OR1J2: variants seen among roughly 807,000 people sequenced by gnomAD.
OR1J2 encodes the protein olfactory receptor 1J2.
For missense variants in OR1J2, 304 were observed against 246.1 expected (o/e 1.24, Z -1.57); for synonymous variants, 142 against 99.7 (o/e 1.42, Z -2.52).
chr9:122,570,082 T>C, the OR1J2 span, among the ~76,000 whole-genome samples: 1 of 149,462 alleles, frequency 6.7e-6, no homozygotes. Flanking sequence ...TCTATCATTG[T>C]TGGACATTTG....
At chr9:122,526,470 A>C in the OR1J2 span, 1 of 1,565,738 alleles carries the variant, frequency 6.4e-7, no homozygotes, top group Non-Finnish European at 8.6e-7. Flanking sequence ...TATGGTGTAC[A>C]TTGCAGCTGC....
At chr9:122,550,883 C>T in the OR1J2 span, among the ~76,000 whole-genome samples, 2 of 150,968 alleles carry the variant, frequency 1.3e-5, no homozygotes, top group African/African-American at 4.9e-5. Flanking sequence ...CAACATGATA[C>T]TGGAAGTCTT....
At chr9:122,547,119 TAAAA>T in the OR1J2 span, among the ~76,000 whole-genome samples, 1 of 151,138 alleles carries the variant, frequency 6.6e-6, no homozygotes, top group African/African-American at 2.4e-5. Context: ...GTGAGCCACA[TAAAA>T]AAATAATAAT....
At chr9:122,491,891 A>G in the OR1J2 span, among the ~76,000 whole-genome samples, 17,336 of 152,176 alleles carry the variant, frequency 0.11, 1,171 homozygotes, top group South Asian at 0.17. Context: ...AATTTTGGGG[A>G]AAAATGAACA....
At chr9:122,474,926 T>TA in the OR1J2 span, among the ~76,000 whole-genome samples, 1 of 152,208 alleles carries the variant, frequency 6.6e-6, no homozygotes, top group African/African-American at 2.4e-5. Flanking sequence ...CACGAACCTC[T>TA]TCCTTCTTGC....
chr9:122,515,352 TTGTGTGTG>T (rs10651846), downstream of OR1J2, among the ~76,000 whole-genome samples: 19 of 135,814 alleles, frequency 1.4e-4, no homozygotes, highest in African/African-American at 3.8e-4. Context: ...CAGGAGCAGG[TTGTGTGTG>T]TGTGTGTGTG....
At chr9:122,477,265 A>G in the OR1J2 span, 39,019 of 1,614,054 alleles carry the variant, frequency 0.024, 670 homozygotes, top group Middle Eastern at 0.096. Flanking sequence ...GGTGACCCCA[A>G]TGTGACCATA....
chr9:122,516,564 A>G (rs1414832849), downstream of OR1J2, among the ~76,000 whole-genome samples: 1 of 152,010 alleles, frequency 6.6e-6, no homozygotes, highest in African/African-American at 2.4e-5. Context: ...CGGCCTCCCA[A>G]AGTGCTGGGA....
At chr9:122,509,247 A>G (rs1406659605), upstream of OR1J2, among the ~76,000 whole-genome samples, 1 of 152,170 alleles carries the variant, frequency 6.6e-6, no homozygotes, top group Non-Finnish European at 1.5e-5. Context: ...TCTGCTTACC[A>G]CAGCTGACTA....
chr9:122,571,159 C>G, the OR1J2 span, among the ~76,000 whole-genome samples: 1 of 152,170 alleles, frequency 6.6e-6, no homozygotes, highest in African/African-American at 2.4e-5. Flanking sequence ...TCCACTCTTG[C>G]AGCTGTAAGG....
chr9:122,542,052 T>G, the OR1J2 span, among the ~76,000 whole-genome samples: 1 of 152,220 alleles, frequency 6.6e-6, no homozygotes, highest in Non-Finnish European at 1.5e-5. Flanking sequence ...TAGTTTTGTC[T>G]GTTTTTGAAG....
At chr9:122,540,327 T>C in the OR1J2 span, among the ~76,000 whole-genome samples, 1 of 152,254 alleles carries the variant, frequency 6.6e-6, no homozygotes, top group Non-Finnish European at 1.5e-5. Context: ...TTCAGCTTTC[T>C]ACATATGGCT....
the OR1J2 span, among the ~76,000 whole-genome samples, chr9:122,503,029 T>TTTTAAGA: frequency 6.6e-6 from 1 of 152,228 alleles, no homozygotes; most frequent in Admixed American, 6.5e-5. Flanking sequence ...GGTGGTTGCC[T>TTTTAAGA]TAGTTGATGT....
the OR1J2 span, among the ~76,000 whole-genome samples, chr9:122,534,340 G>GAGAAAA: frequency 6.6e-6 from 1 of 152,090 alleles, no homozygotes; most frequent in Non-Finnish European, 1.5e-5. Flanking sequence ...AGAATAAGAT[G>GAGAAAA]GTTTTTTGAC....
At chr9:122,551,643 C>T in the OR1J2 span, among the ~76,000 whole-genome samples, 1 of 151,984 alleles carries the variant, frequency 6.6e-6, no homozygotes, top group Non-Finnish European at 1.5e-5. Context: ...GAATCACATT[C>T]CCGAGACCCA....
At chr9:122,526,823 G>A in the OR1J2 span, 1 of 1,614,026 alleles carries the variant, frequency 6.2e-7, no homozygotes, top group Non-Finnish European at 8.5e-7. Context: ...TGAGGAACGT[G>A]TGAGTCAGGG....
chr9:122,456,239 A>G, the OR1J2 span, among the ~76,000 whole-genome samples: 3 of 152,210 alleles, frequency 2.0e-5, no homozygotes, highest in Non-Finnish European at 4.4e-5. Flanking sequence ...GCATATAACA[A>G]AGCTCTAGAG....
At chr9:122,538,905 A>G in the OR1J2 span, among the ~76,000 whole-genome samples, 1 of 152,242 alleles carries the variant, frequency 6.6e-6, no homozygotes, top group Middle Eastern at 3.4e-3. Flanking sequence ...GAGTTGAAAA[A>G]CTACCTATAG....
chr9:122,564,208 G>T, the OR1J2 span, among the ~76,000 whole-genome samples: 1 of 152,186 alleles, frequency 6.6e-6, no homozygotes, highest in Non-Finnish European at 1.5e-5. Flanking sequence ...TGTGATTAAT[G>T]AAATTTTAGC....
Sources: allele counts gnomAD v4.1 joint callset (sites outside exome capture counted in the v4.1 genomes callset), GRCh38; gene constraint gnomAD v4.1.1; transcripts MANE v1.5; gene names NCBI Gene and HGNC (gene_info 2026-07-23, HGNC 2026-07-21).